The following ABI1 variants were observed in gnomAD, a reference collection of about 807,000 sequenced individuals.
ABI1 encodes abl interactor 1, also known as Abelson interactor 1.
ABI1 carries 14 observed loss-of-function variants against 54.6 expected under a neutral mutation model. The ratio of observed to expected loss-of-function variants is 0.26; its 90% confidence interval spans 0.17 to 0.40. The LOEUF is 0.40. ABI1 is among the 10% of genes least tolerant of loss of function. The pLI, the probability that ABI1 is intolerant of heterozygous loss-of-function variation, is 1.00. For synonymous variants in ABI1, 194 were observed against 209.3 expected, an observed-to-expected ratio of 0.93 and a Z score of 0.63; for missense variants, 443 against 598.3, an observed-to-expected ratio of 0.74 and a Z score of 2.71.
chr10:26,812,707 C>T (rs2047315734), intron 2 of ABI1, among the ~76,000 whole-genome samples: 1 of 152,156 alleles, frequency 6.6e-6, no homozygotes, highest in South Asian at 2.1e-4. Context: ...GGGCCTTTCT[C>T]CTTGACTTAC....
chr10:26,809,863 A>C (rs1227567803), intron 2 of ABI1, among the ~76,000 whole-genome samples: 1 of 152,202 alleles, frequency 6.6e-6, no homozygotes, highest in Non-Finnish European at 1.5e-5. Flanking sequence ...CCCTGATTCC[A>C]CAAGAAGAGG....
rs142211679 is a variant in ABI1, at chr10:26,795,289, A to C, written c.286-18048T>G. On this transcript the variant is annotated intron_variant, in intron 2 of 10. Transcript: ENST00000376140. ...ATCTGCAATCAGTGACACATAAGAC[A>C]TCTCAATGACAATATTGGAAGGGAG... 1.1e-4 allele frequency among the ~76,000 whole-genome samples: 17 copies of C among 152,318 alleles called. No homozygotes were observed. In the East Asian group the frequency reaches 3.3e-3, roughly 29 times the overall value.
intron 2 of ABI1, among the ~76,000 whole-genome samples, chr10:26,801,739 C>G (rs1006456115): frequency 6.6e-6 from 1 of 152,090 alleles, no homozygotes; most frequent in African/African-American, 2.4e-5. Context: ...ATTCTAATGG[C>G]CCTAAATTCT....
chr10:26,770,986 T>G, intron 4 of ABI1, 89 bp downstream of exon 4: 1 of 1,306,536 alleles, frequency 7.7e-7, no homozygotes, highest in Non-Finnish European at 1.1e-6. Flanking sequence ...CAGACAGACA[T>G]AAGAAGAGTT....
chr10:26,782,384 A>G (rs1269858274), intron 2 of ABI1, among the ~76,000 whole-genome samples: 3 of 151,982 alleles, frequency 2.0e-5, no homozygotes, highest in African/African-American at 7.2e-5. Flanking sequence ...AAAAAACCCG[A>G]CTCAAAAATG....
At chr10:26,750,922 G>C (rs571125264) in intron 10 of ABI1, among the ~76,000 whole-genome samples, 8 of 152,244 alleles carry the variant, frequency 5.3e-5, no homozygotes, top group Admixed American at 1.3e-4. Flanking sequence ...TTTCTCTTGT[G>C]TTTTATAAAA....
At chr10:26,760,023 TTC>T (rs1439820849) in intron 7 of ABI1, among the ~76,000 whole-genome samples, 2 of 151,774 alleles carry the variant, frequency 1.3e-5, no homozygotes, top group Non-Finnish European at 2.9e-5. Flanking sequence ...AGCAAATCTA[TTC>T]TCTTTCTCCA....
At chr10:26,799,422 A>G (rs927192805) in intron 2 of ABI1, among the ~76,000 whole-genome samples, 1 of 152,212 alleles carries the variant, frequency 6.6e-6, no homozygotes, top group Non-Finnish European at 1.5e-5. Context: ...GCTCTTCAAA[A>G]AGAACAAACC....
intron 1 of ABI1, among the ~76,000 whole-genome samples, chr10:26,847,652 A>T (rs2050080287): frequency 6.6e-6 from 1 of 152,018 alleles, no homozygotes; most frequent in Non-Finnish European, 1.5e-5. Flanking sequence ...TTTGATTATT[A>T]TTAATTTTAA....
chr10:26,770,986 T>C lies in ABI1; in HGVS notation c.477+89A>G, dbSNP rs1840618092. On this transcript the variant is annotated intron_variant, in intron 4 of 10. Transcript: ENST00000376140. ...TCCTACAGGGAAAAGCAGACAGACA[T>C]AAGAAGAGTTTTCAAATTTTAGTGG... 2.3e-6 allele frequency: 3 copies of C among 1,306,536 alleles called. No individual in the cohort carries two copies. The Admixed American group carries it at 5.1e-5, about 22-fold the overall frequency. 80.9% of individuals were successfully genotyped at this position (1,306,536 alleles called of 1,614,324 possible). A position where few individuals can be genotyped will look rare whatever the true frequency, so the allele number is the denominator to read the frequency against.
chr10:26,765,804 T>G lies in ABI1; in HGVS notation c.720-486A>C, dbSNP rs565313013. On this transcript the variant is annotated intron_variant, in intron 6 of 10. Coordinates refer to ENST00000376140, the MANE Select transcript of ABI1 (RefSeq NM_001012750.3). ...TCATCACAAATCTTAATCCTAATAT[T>G]TGAAATGGTTTCCTCTACTTCTCAA... Among the ~76,000 whole-genome samples, 3 of 152,276 alleles carry G rather than the reference T, an allele frequency of 2.0e-5. No individual in the cohort carries two copies. In the East Asian group the frequency reaches 5.8e-4, roughly 29 times the overall value.
At chr10:26,794,366 G>A (rs1203011364) in intron 2 of ABI1, among the ~76,000 whole-genome samples, 1 of 152,064 alleles carries the variant, frequency 6.6e-6, no homozygotes, top group African/African-American at 2.4e-5. Context: ...CAGTGATCAT[G>A]CCACTACATT....
intron 1 of ABI1, among the ~76,000 whole-genome samples, chr10:26,857,633 G>A (rs1398205850): frequency 2.3e-5 from 3 of 130,998 alleles, no homozygotes; most frequent in Non-Finnish European, 4.7e-5. Context: ...AACAGAGCAA[G>A]ACTGTGTCTC....
At chr10:26,826,976 C>A (rs1382622494) in intron 1 of ABI1, among the ~76,000 whole-genome samples, 1 of 149,824 alleles carries the variant, frequency 6.7e-6, no homozygotes, top group Non-Finnish European at 1.5e-5. Context: ...TGCAGTGGCA[C>A]AATCTTGGCT....
rs1283124781 is a variant in ABI1, at chr10:26,747,703, C to T, written c.*867G>A. The T allele has an allele frequency of 5.1e-6, 1 of 196,786 alleles. No homozygotes were observed. The highest frequency in any genetic ancestry group is 1.1e-5 in the Non-Finnish European group (1 of 95,068). The allele number at this position is 196,786 out of a possible 1,614,324, so 12.2% of individuals were successfully genotyped here. On this transcript the variant is annotated 3_prime_UTR_variant, in exon 11 of 11. Coordinates refer to ENST00000376140, the MANE Select transcript of ABI1 (RefSeq NM_001012750.3). The stretch of plus-strand genomic sequence containing the variant: ...TTCAGTAGATTGACTTGTAAATAAC[C>T]ATTGCAGATTTTGAATCTGCAAAAA...
At chr10:26,816,113 G>C (rs1217235441) in intron 2 of ABI1, among the ~76,000 whole-genome samples, 1 of 152,120 alleles carries the variant, frequency 6.6e-6, no homozygotes, top group African/African-American at 2.4e-5. Flanking sequence ...AGACTACAAA[G>C]TACATAGTTG....
At chr10:26,835,777 ATTTT>A (rs71281567) in intron 1 of ABI1, among the ~76,000 whole-genome samples, 1 of 144,374 alleles carries the variant, frequency 6.9e-6, no homozygotes. Flanking sequence ...TTTTACTAAT[ATTTT>A]TTTTTTTTTT....
At chr10:26,752,240 A>G (rs1479622606) in intron 9 of ABI1, among the ~76,000 whole-genome samples, 3 of 152,212 alleles carry the variant, frequency 2.0e-5, no homozygotes, top group Non-Finnish European at 2.9e-5. Flanking sequence ...TTGGTTCCCT[A>G]AAAATTCAGT....
chr10:26,771,857 T>C (rs1358488895), intron 3 of ABI1, among the ~76,000 whole-genome samples: 1 of 152,156 alleles, frequency 6.6e-6, no homozygotes, highest in Non-Finnish European at 1.5e-5. Context: ...AGGCTACTTC[T>C]ATTAAAGCTG....
Sources: gnomAD v4.1 joint callset for allele counts (sites outside exome capture counted in the v4.1 genomes callset) on GRCh38, gnomAD v4.1.1 for gene constraint, MANE v1.5 for transcripts, NCBI Gene and HGNC (gene_info 2026-07-23, HGNC 2026-07-21) for gene names.